Variants in NKAIN3 observed in about 807,000 individuals in gnomAD.
NKAIN3 encodes sodium/potassium transporting ATPase interacting 3.
Under a neutral mutation model 30.2 loss-of-function variants are expected in NKAIN3, and 25 were observed. The observed-to-expected ratio is 0.83, with a 90% CI of 0.60 to 1.16. The LOEUF (loss-of-function observed/expected upper bound fraction) is 1.16. Ranked by LOEUF, NKAIN3 falls within the 50% of genes most tolerant of loss-of-function variation. The pLI is 0.00. For missense variants in NKAIN3, 225 were observed against 254.1 expected, an observed-to-expected ratio of 0.89 and a Z score of 0.78; for synonymous variants, 91 against 89.6, an observed-to-expected ratio of 1.02 and a Z score of -0.09.
At chr8:62,561,485 A>C (rs1287394062) in intron 1 of NKAIN3, among the ~76,000 whole-genome samples, 1 of 152,180 alleles carries the variant, frequency 6.6e-6, no homozygotes, top group Admixed American at 6.6e-5. Flanking sequence ...ACCACTTTAT[A>C]AACTCCACAT....
intron 1 of NKAIN3, among the ~76,000 whole-genome samples, chr8:62,318,490 A>G (rs530769671): frequency 6.6e-6 from 1 of 152,270 alleles, no homozygotes; most frequent in Admixed American, 6.5e-5. Context: ...TAATTTATTG[A>G]GAGTTTTTAG....
In NKAIN3 at chr8:62,419,020, A is replaced by C. The variant is rs73684993; in HGVS notation, c.55-160519A>C. ...GCAGAGATGGGAAGCATGACTCTAC[A>C]AGTGGGTCATTGAGTGGTGGTAAAA... is the stretch of plus-strand genomic sequence containing the variant. On this transcript the variant is annotated intron_variant, in intron 1 of 6. Coordinates refer to ENST00000623646, the MANE Select transcript of NKAIN3 (RefSeq NM_001304533.3). 5.3e-3 allele frequency among the ~76,000 whole-genome samples: 809 copies of C among 152,260 alleles called. 6 individuals are homozygous for C. Among genetic ancestry groups the C allele is most frequent in the African/African-American group, 0.018 (762 of 41,532 alleles).
intron 3 of NKAIN3, among the ~76,000 whole-genome samples, chr8:62,659,286 A>G (rs1039130709): frequency 6.6e-6 from 1 of 152,278 alleles, no homozygotes; most frequent in Non-Finnish European, 1.5e-5. Context: ...ACATCCCACA[A>G]AGAGCCTCCG....
rs117573890 is a variant in NKAIN3 at position 62,817,651 on chromosome 8, C to G, written c.471+70522C>G. Among the ~76,000 whole-genome samples the G allele has an allele frequency of 7.8e-3, 1,186 of 152,216 alleles. 9 individuals are homozygous for G. Among genetic ancestry groups the G allele is most frequent in the Non-Finnish European group, 0.012 (816 of 68,006 alleles). On this transcript the variant is annotated intron_variant, in intron 4 of 6. Coordinates refer to ENST00000623646, the MANE Select transcript of NKAIN3 (RefSeq NM_001304533.3). The stretch of plus-strand genomic sequence containing the variant: ...TGCTTGTTCTATCCCCCCAGAACCT[C>G]TGAGAGCATCTTGTGAAGTCACAAT...
intron 3 of NKAIN3, among the ~76,000 whole-genome samples, chr8:62,700,067 G>A (rs1344202568): frequency 6.6e-6 from 1 of 152,154 alleles, no homozygotes. Flanking sequence ...CAAGGCTGCA[G>A]TGAACTATGA....
chr8:62,971,408 G>A lies in NKAIN3; in HGVS notation c.*6001G>A, dbSNP rs974418786. On this transcript the variant is annotated 3_prime_UTR_variant, in exon 7 of 7. Transcript: ENST00000623646. ...TTTCAGCAATTTGGAAGGCCAAGGC[G>A]TGCAGATCACTTGAGCTTACGAGTT... Among the ~76,000 whole-genome samples the A allele has an allele frequency of 7.9e-5, 12 of 152,120 alleles. No homozygotes were observed. Among genetic ancestry groups the A allele is most frequent in the East Asian group, 1.9e-4 (1 of 5,196 alleles).
chr8:62,289,566 T>G (rs1028726464), intron 1 of NKAIN3, among the ~76,000 whole-genome samples: 1 of 152,192 alleles, frequency 6.6e-6, no homozygotes, highest in Non-Finnish European at 1.5e-5. Context: ...TGTGTGGTAT[T>G]ATTTCTGGGG....
At chr8:62,337,805 G>C (rs1235568945) in intron 1 of NKAIN3, among the ~76,000 whole-genome samples, 1 of 151,864 alleles carries the variant, frequency 6.6e-6, no homozygotes, top group East Asian at 1.9e-4. Context: ...TAGAAATTCT[G>C]ATCATTGTCC....
chr8:62,800,471 C>T (rs1303428354), intron 4 of NKAIN3, among the ~76,000 whole-genome samples: 1 of 151,998 alleles, frequency 6.6e-6, no homozygotes, highest in Non-Finnish European at 1.5e-5. Flanking sequence ...GCTATGACCT[C>T]AGATCTATTT....
At chr8:62,563,801 CTAATTA>C (rs1206727651) in intron 1 of NKAIN3, among the ~76,000 whole-genome samples, 6 of 152,094 alleles carry the variant, frequency 3.9e-5, no homozygotes, top group African/African-American at 1.4e-4. Flanking sequence ...TTGAGTTATT[CTAATTA>C]TATTTAGTTT....
intron 3 of NKAIN3, among the ~76,000 whole-genome samples, chr8:62,696,707 A>G (rs193107831): frequency 1.5e-3 from 222 of 152,288 alleles, no homozygotes; most frequent in African/African-American, 4.8e-3. Flanking sequence ...TACAAAACGA[A>G]TAATTCTAAT....
intron 4 of NKAIN3, among the ~76,000 whole-genome samples, chr8:62,814,298 T>C (rs1483269352): frequency 6.6e-6 from 1 of 151,072 alleles, no homozygotes; most frequent in Non-Finnish European, 1.5e-5. Flanking sequence ...CTTAATTATG[T>C]TCTGTATGTC....
At position 62,465,848 on chromosome 8, in the gene NKAIN3, C is replaced by T. The variant is rs185230536; in HGVS notation, c.55-113691C>T. ...GACCAGCCTGGCCAACATGGTGAAA[C>T]CCCATTTCTACTAAAAATACAAAAA... On this transcript the variant is annotated intron_variant, in intron 1 of 6. Coordinates refer to ENST00000623646, the MANE Select transcript of NKAIN3 (RefSeq NM_001304533.3). Among the ~76,000 whole-genome samples, 37 of 152,124 alleles carry T rather than the reference C, an allele frequency of 2.4e-4. No individual in the cohort carries two copies. The East Asian group carries it at 7.0e-3, about 29-fold the overall frequency.
Position 62,306,035 on chromosome 8 carries a change from TTC to T in NKAIN3, c.54+56912_54+56913del, listed in dbSNP as rs1016395032. ...TTCCATTTTCTTGAACTATTAATGTTTCTCTAGGAATTTTTGTCTATAATAAA... is the reference window on the plus strand; with the variant it reads ...TTCCATTTTCTTGAACTATTAATGTTTCTAGGAATTTTTGTCTATAATAAA... On this transcript the variant is annotated intron_variant, in intron 1 of 6. Transcript: ENST00000623646. 4.0e-5 allele frequency among the ~76,000 whole-genome samples: 6 copies of T among 150,530 alleles called. 1 individual carries two copies. The highest frequency in any genetic ancestry group is 1.3e-4 in the African/African-American group (5 of 39,934).
At chr8:62,802,420 C>A (rs1818100825) in intron 4 of NKAIN3, among the ~76,000 whole-genome samples, 1 of 152,214 alleles carries the variant, frequency 6.6e-6, no homozygotes, top group African/African-American at 2.4e-5. Flanking sequence ...CAGTGGATCT[C>A]TTGGCAGAAA....
At chr8:62,990,392 A>G in intron 5 of NKAIN3, 2 of 1,223,662 alleles carry the variant, frequency 1.6e-6, no homozygotes, top group Non-Finnish European at 1.0e-6. Context: ...TTTTATGAAA[A>G]GCATAGGTTT....
chr8:62,621,420 C>T (rs1448984752), intron 3 of NKAIN3, among the ~76,000 whole-genome samples: 1 of 151,974 alleles, frequency 6.6e-6, no homozygotes, highest in East Asian at 1.9e-4. Flanking sequence ...AAAGAAAAAT[C>T]TATCTTTCTT....
chr8:62,483,643 G>T, intron 1 of NKAIN3: 1 of 199,356 alleles, frequency 5.0e-6, no homozygotes, highest in South Asian at 9.4e-5. Flanking sequence ...CTTCTCATAG[G>T]TTGATTTTGA....
At chr8:62,706,518 C>T (rs1039979439) in intron 3 of NKAIN3, among the ~76,000 whole-genome samples, 3 of 151,904 alleles carry the variant, frequency 2.0e-5, no homozygotes, top group Admixed American at 6.6e-5. Context: ...TCCATTCATT[C>T]GTTTATAGTT....
Sources: gnomAD v4.1 joint callset for allele counts (sites outside exome capture counted in the v4.1 genomes callset) on GRCh38, gnomAD v4.1.1 for gene constraint, MANE v1.5 for transcripts, NCBI Gene and HGNC (gene_info 2026-07-23, HGNC 2026-07-21) for gene names.